Variants in TMC7 observed in about 807,000 individuals in gnomAD.
TMC7 encodes transmembrane channel-like protein 7.
A neutral mutation model predicts 82.9 loss-of-function variants in TMC7; 54 were observed. The observed-to-expected ratio is 0.65, with a 90% CI of 0.52 to 0.82. The LOEUF is 0.82. Among genes scored for constraint, TMC7 ranks in the 40% least tolerant of loss-of-function variants. The probability of loss-of-function intolerance (pLI) is 0.00; values close to 1 mark genes in which losing one functional copy is unlikely to be tolerated. For synonymous variants in TMC7, 350 were observed against 337.9 expected, an observed-to-expected ratio of 1.04 and a Z score of -0.39; for missense variants, 820 against 901.2, an observed-to-expected ratio of 0.91 and a Z score of 1.15.
chr16:18,991,676 G>A (rs1197132269), intron 1 of TMC7, among the ~76,000 whole-genome samples: 1 of 152,104 alleles, frequency 6.6e-6, no homozygotes, highest in African/African-American at 2.4e-5. Context: ...ATGTTGGTAT[G>A]CTGCACCCAT....
At chr16:19,045,948 C>G (rs115195987) in intron 11 of TMC7, among the ~76,000 whole-genome samples, 2,490 of 151,890 alleles carry the variant, frequency 0.016, 65 homozygotes, top group African/African-American at 0.057. Flanking sequence ...CCAGGCTGGT[C>G]TCGAACTGGC....
At position 19,006,351 on chromosome 16, in the gene TMC7, A is replaced by T. The variant is rs538272772; in HGVS notation, c.68-2821A>T. Among the ~76,000 whole-genome samples the T allele has an allele frequency of 3.9e-5, 6 of 152,172 alleles. No individual in the cohort carries two copies. The South Asian group carries it at 8.3e-4, about 21-fold the overall frequency. On this transcript the variant is annotated intron_variant, in intron 1 of 15. Transcript: ENST00000304381. ...AGGCACGCGCTAGCGTGCCCAGCTA[A>T]TTTTGTATTTTTAGTAGAGACAGCG...
intron 1 of TMC7, among the ~76,000 whole-genome samples, chr16:19,002,295 G>A (rs1227615658): frequency 1.4e-5 from 2 of 146,536 alleles, no homozygotes; most frequent in Non-Finnish European, 3.0e-5. Flanking sequence ...GAAGTGTGAT[G>A]GAGTGATCTC....
intron 1 of TMC7, among the ~76,000 whole-genome samples, chr16:19,004,715 A>AT (rs1018935254): frequency 6.6e-6 from 1 of 151,990 alleles, no homozygotes; most frequent in Admixed American, 6.6e-5. Context: ...GGCCCCCTGA[A>AT]TTTTTTCATG....
At chr16:19,046,266 T>C (rs1220729988) in intron 11 of TMC7, among the ~76,000 whole-genome samples, 1 of 152,204 alleles carries the variant, frequency 6.6e-6, no homozygotes, top group African/African-American at 2.4e-5. Flanking sequence ...GGGCAAGTTA[T>C]TTAAGCTCTG....
chr16:18,997,665 G>T (rs1473443541), intron 1 of TMC7, among the ~76,000 whole-genome samples: 1 of 151,198 alleles, frequency 6.6e-6, no homozygotes, highest in Non-Finnish European at 1.5e-5. Context: ...CCCAGCCACC[G>T]CACCCGGCCT....
At chr16:18,998,765 AAG>A (rs2142140839) in intron 1 of TMC7, among the ~76,000 whole-genome samples, 1 of 141,402 alleles carries the variant, frequency 7.1e-6, no homozygotes, top group East Asian at 2.0e-4. Flanking sequence ...AAAAAAAAAA[AAG>A]AAAAGCAGGG....
chr16:19,045,928 G>T (rs1395907162), intron 11 of TMC7, among the ~76,000 whole-genome samples: 2 of 151,580 alleles, frequency 1.3e-5, no homozygotes, highest in Non-Finnish European at 2.9e-5. Context: ...AGGGGCTCTT[G>T]CTATGTTGCC....
chr16:19,024,250 T>C (rs575639407), intron 5 of TMC7, among the ~76,000 whole-genome samples: 1 of 151,936 alleles, frequency 6.6e-6, no homozygotes, highest in South Asian at 2.1e-4. Flanking sequence ...GGGCAACATA[T>C]CTCTACACAG....
At chr16:18,999,888 A>C (rs12920098) in intron 1 of TMC7, among the ~76,000 whole-genome samples, 47,031 of 151,730 alleles carry the variant, frequency 0.31, 7,524 homozygotes, top group Non-Finnish European at 0.35. Context: ...CTCAGCCTCC[A>C]GAGTAGCTGG....
intron 2 of TMC7, among the ~76,000 whole-genome samples, chr16:19,010,572 T>A (rs1053615061): frequency 6.6e-6 from 1 of 152,210 alleles, no homozygotes; most frequent in Non-Finnish European, 1.5e-5. Flanking sequence ...AGCCTCATTT[T>A]TGTCTGCAAC....
intron 1 of TMC7, among the ~76,000 whole-genome samples, chr16:18,997,831 A>G (rs1371950003): frequency 3.5e-5 from 5 of 144,904 alleles, no homozygotes; most frequent in East Asian, 4.2e-4. Context: ...CCGGGTTCAC[A>G]CCATTCTCCT....
At chr16:19,034,394 C>G (rs919666188) in intron 6 of TMC7, among the ~76,000 whole-genome samples, 1 of 151,650 alleles carries the variant, frequency 6.6e-6, no homozygotes, top group African/African-American at 2.4e-5. Flanking sequence ...GTCAGGAGAT[C>G]GAGACCAGCC....
chr16:19,023,219 G>A, intron 5 of TMC7, 24 bp downstream of exon 5: 1 of 1,455,416 alleles, frequency 6.9e-7, no homozygotes, highest in Non-Finnish European at 9.5e-7. Flanking sequence ...ATAATCCTTT[G>A]TTTAGCTCCT....
At chr16:18,991,127 C>A (rs997242274) in intron 1 of TMC7, among the ~76,000 whole-genome samples, 1 of 152,066 alleles carries the variant, frequency 6.6e-6, no homozygotes, top group African/African-American at 2.4e-5. Flanking sequence ...AGCATGGGAA[C>A]CTACAGTGGG....
At chr16:19,051,256 TTTA>T (rs1961525594) in intron 12 of TMC7, among the ~76,000 whole-genome samples, 1 of 151,682 alleles carries the variant, frequency 6.6e-6, no homozygotes, top group Non-Finnish European at 1.5e-5. Context: ...TTTTTTTAAT[TTTA>T]TTATTATTAT....
chr16:18,984,191 G>A, intron 1 of TMC7, 61 bp downstream of exon 1: 1 of 1,428,514 alleles, frequency 7.0e-7, no homozygotes, highest in South Asian at 1.5e-5. Flanking sequence ...CGCACGGAGG[G>A]AGCCGGGTGC....
Position 19,038,115 on chromosome 16 carries a change from T to C in TMC7, c.1179+68T>C, listed in dbSNP as rs759477656. 79 of 1,456,730 alleles carry C rather than the reference T, an allele frequency of 5.4e-5. 1 individual carries two copies. Among genetic ancestry groups the C allele is most frequent in the Non-Finnish European group, 6.8e-5 (73 of 1,068,912 alleles). The allele number at this position is 1,456,730 out of a possible 1,614,324, so 90.2% of individuals were successfully genotyped here. A position where few individuals can be genotyped will look rare whatever the true frequency, so the allele number is the denominator to read the frequency against. On this transcript the variant is annotated intron_variant, in intron 8 of 15. Transcript: ENST00000304381. ...CTGAAAATCTGTGAGGTAGATACCA[T>C]CGTCATTTCTGTTTTACATATGGAG... is the stretch of plus-strand genomic sequence containing the variant.
chr16:19,038,988 C>CTAGT (rs1458007116), intron 8 of TMC7, among the ~76,000 whole-genome samples: 1 of 152,006 alleles, frequency 6.6e-6, no homozygotes, highest in Non-Finnish European at 1.5e-5. Flanking sequence ...CCAAGTTTGT[C>CTAGT]TAGTGGCTCT....
Sources: gnomAD v4.1 joint callset for allele counts (sites outside exome capture counted in the v4.1 genomes callset) on GRCh38, gnomAD v4.1.1 for gene constraint, MANE v1.5 for transcripts, NCBI Gene and HGNC (gene_info 2026-07-23, HGNC 2026-07-21) for gene names.